ARMCX4: variants seen among roughly 807,000 people sequenced by gnomAD.
ARMCX4 encodes the protein armadillo repeat containing X-linked 4.
Under a neutral mutation model 34.7 loss-of-function variants are expected in ARMCX4, and 3 were observed. The ratio of observed to expected loss-of-function variants is 0.09; its 90% CI spans 0.04 to 0.22. The LOEUF is 0.22. Among genes scored for constraint, ARMCX4 ranks in the 10% least tolerant of loss-of-function variants. The pLI is 1.00. For synonymous variants in ARMCX4, 513 were observed against 632.8 expected (o/e 0.81, Z 2.84); for missense variants, 1,448 against 1,720.8 (o/e 0.84, Z 2.81).
chrX:101,433,385 TAC>T (rs1336913689), intron 2 of ARMCX4, among the ~76,000 whole-genome samples: 3 of 109,909 alleles, frequency 2.7e-5, no homozygotes, highest in African/African-American at 1.0e-4. Flanking sequence ...TACATATATG[TAC>T]ATATATACAT....
chrX:101,527,075 A>C (rs1472242623), intron 11 of ARMCX4, among the ~76,000 whole-genome samples: 1 of 111,739 alleles, frequency 8.9e-6, no homozygotes, highest in Non-Finnish European at 1.9e-5. Flanking sequence ...TGACCACATA[A>C]TTGGAAGTAA....
At chrX:101,519,550 A>G (rs1214088102) in intron 11 of ARMCX4, among the ~76,000 whole-genome samples, 1 of 111,245 alleles carries the variant, frequency 9.0e-6, no homozygotes, top group African/African-American at 3.3e-5. Context: ...TATATTCCAC[A>G]TTTTCTTTCT....
intron 4 of ARMCX4, among the ~76,000 whole-genome samples, chrX:101,460,091 C>T (rs782473563): frequency 8.9e-5 from 10 of 112,831 alleles, no homozygotes; most frequent in African/African-American, 2.6e-4. Flanking sequence ...AATAGACAAA[C>T]AAACAAATAA....
intron 4 of ARMCX4, among the ~76,000 whole-genome samples, chrX:101,480,161 C>G (rs5027498): frequency 1.1e-5 from 1 of 93,879 alleles, no homozygotes; most frequent in Non-Finnish European, 2.3e-5. Context: ...CACACACACA[C>G]ACACACACAC....
chrX:101,435,976 G>T (rs1446758466), intron 2 of ARMCX4, among the ~76,000 whole-genome samples: 8 of 111,278 alleles, frequency 7.2e-5, no homozygotes, highest in African/African-American at 2.3e-4. Flanking sequence ...TTATTTCTGA[G>T]GGTTCTGTTC....
chrX:101,442,210 A>C (rs1931341706), intron 2 of ARMCX4, among the ~76,000 whole-genome samples: 1 of 112,503 alleles, frequency 8.9e-6, no homozygotes, highest in Non-Finnish European at 1.9e-5. Flanking sequence ...CGCTGTCAGC[A>C]AAAAAATGAA....
At chrX:101,464,621 A>G (rs997211876) in intron 4 of ARMCX4, among the ~76,000 whole-genome samples, 2 of 111,401 alleles carry the variant, frequency 1.8e-5, no homozygotes, top group Non-Finnish European at 3.8e-5. Flanking sequence ...TCCAATATGC[A>G]CAACTCCAAT....
At chrX:101,476,139 C>T (rs1216553588) in intron 4 of ARMCX4, among the ~76,000 whole-genome samples, 1 of 109,821 alleles carries the variant, frequency 9.1e-6, no homozygotes, top group Non-Finnish European at 1.9e-5. Context: ...AAAGAGTACT[C>T]ATAGGGGTCA....
chrX:101,504,851 G>A (rs1019763373), intron 7 of ARMCX4: 4 of 111,721 alleles, frequency 3.6e-5, no homozygotes, highest in African/African-American at 9.8e-5. Context: ...CCTTGAGGCA[G>A]TTTAGTGTAG....
chrX:101,505,704 C>CT (rs1200046495), intron 8 of ARMCX4, among the ~76,000 whole-genome samples: 3 of 111,869 alleles, frequency 2.7e-5, no homozygotes, highest in Non-Finnish European at 5.6e-5. Context: ...GTACATCCTT[C>CT]TTTTTTCTTT....
At chrX:101,471,470 G>A (rs1231092934) in intron 4 of ARMCX4, among the ~76,000 whole-genome samples, 3 of 112,174 alleles carry the variant, frequency 2.7e-5, no homozygotes, top group South Asian at 3.7e-4. Flanking sequence ...CTAGGAACAC[G>A]GAAGAGGTAT....
chrX:101,516,056 A>G, intron 11 of ARMCX4, among the ~76,000 whole-genome samples: 1 of 112,271 alleles, frequency 8.9e-6, no homozygotes, highest in Non-Finnish European at 1.9e-5. Flanking sequence ...TAAGTTTAAA[A>G]TTTTAAATTA....
chrX:101,442,746 C>T (rs1385905646), intron 2 of ARMCX4, among the ~76,000 whole-genome samples: 11 of 111,242 alleles, frequency 9.9e-5, no homozygotes, highest in African/African-American at 3.6e-4. Context: ...CCTCTCTCTA[C>T]CTCTATCATC....
chrX:101,525,080 A>G (rs781823125), intron 11 of ARMCX4, among the ~76,000 whole-genome samples: 6 of 111,429 alleles, frequency 5.4e-5, no homozygotes, highest in Admixed American at 2.8e-4. Flanking sequence ...CCAGATGCCT[A>G]TCTGAGACAC....
At chrX:101,528,485 C>A (rs992328072) in intron 11 of ARMCX4, among the ~76,000 whole-genome samples, 5 of 111,132 alleles carry the variant, frequency 4.5e-5, no homozygotes, top group Non-Finnish European at 7.5e-5. Flanking sequence ...AAGGCCAGGG[C>A]AATCAGGCAG....
At chrX:101,433,647 G>C (rs1930468264) in intron 2 of ARMCX4, among the ~76,000 whole-genome samples, 1 of 111,536 alleles carries the variant, frequency 9.0e-6, no homozygotes, top group Admixed American at 9.5e-5. Context: ...CCCAGTGCTT[G>C]GCACATAGAA....
Position 101,490,379 on chromosome X carries a change from A to G in ARMCX4, c.1790A>G (p.Gln597Arg), listed in dbSNP as rs1158460452. The change falls in exon 6 of 6, where the codon CAG becomes CGG. Residue 597 changes from glutamine (Q) to arginine (R), a missense_variant. Coordinates refer to ENST00000423738, the MANE Select transcript of ARMCX4 (RefSeq NM_001256155.3). ...CAGCCCCTGGTTGTGGCCAATCCCC[A>G]GGGTGAGGCCTTGCCTGGTGCCAAG... ...CGQPLVVANP[Q>R]GEALPGAKNK... 5 of 1,156,318 alleles carry G rather than the reference A, an allele frequency of 4.3e-6. No homozygotes were observed. The Admixed American group carries it at 1.3e-4, about 30-fold the overall frequency.
intron 7 of ARMCX4, among the ~76,000 whole-genome samples, chrX:101,503,249 T>A (rs1556014192): frequency 2.7e-5 from 3 of 110,926 alleles, no homozygotes; most frequent in African/African-American, 9.9e-5. Flanking sequence ...TAAACATACA[T>A]GTGCATGTGT....
chrX:101,423,868 A>C (rs1463520607), intron 2 of ARMCX4, among the ~76,000 whole-genome samples: 1 of 109,672 alleles, frequency 9.1e-6, no homozygotes, highest in Admixed American at 9.8e-5. Context: ...TTTATTTTTT[A>C]TTTTTATATT....
Sources: gnomAD v4.1 joint callset for allele counts (sites outside exome capture counted in the v4.1 genomes callset) on GRCh38, gnomAD v4.1.1 for gene constraint, MANE v1.5 for transcripts, NCBI Gene and HGNC (gene_info 2026-07-23, HGNC 2026-07-21) for gene names.